Variants in HDGFL3 observed in about 807,000 individuals in gnomAD.
HDGFL3 encodes the protein hepatoma-derived growth factor-related protein 3.
In HDGFL3, 6 loss-of-function variants were observed where a neutral mutation model predicts 27.6. The observed-to-expected ratio is 0.22, with a 90% CI of 0.12 to 0.43. The LOEUF is 0.43. Ranked by LOEUF, HDGFL3 falls within the 20% of genes least tolerant of loss-of-function variation. The pLI, the probability that HDGFL3 is intolerant of heterozygous loss-of-function variation, is 1.00. For missense variants in HDGFL3, 207 were observed against 250.1 expected (o/e 0.83, Z 1.16); for synonymous variants, 88 against 88.9 (o/e 0.99, Z 0.05).
At chr15:83,152,635 A>C (rs539654648) in intron 4 of HDGFL3, among the ~76,000 whole-genome samples, 8 of 143,426 alleles carry the variant, frequency 5.6e-5, no homozygotes, top group African/African-American at 2.0e-4. Context: ...TGGGAGGTGG[A>C]GGTTGCAGTG....
chr15:83,147,474 GAAAAA>G (rs552586321), intron 5 of HDGFL3, among the ~76,000 whole-genome samples: 159 of 149,552 alleles, frequency 1.1e-3, no homozygotes, highest in Middle Eastern at 3.4e-3. Flanking sequence ...CTCCCATCAA[GAAAAA>G]AAAAGACCTT....
intron 1 of HDGFL3, among the ~76,000 whole-genome samples, chr15:83,199,326 T>C (rs917700651): frequency 1.3e-5 from 2 of 152,198 alleles, no homozygotes; most frequent in Admixed American, 6.5e-5. Context: ...ACTACTTCAG[T>C]GTCAAAGGAA....
chr15:83,198,276 A>G (rs1166213461), intron 1 of HDGFL3, among the ~76,000 whole-genome samples: 1 of 152,050 alleles, frequency 6.6e-6, no homozygotes. Context: ...CAGAATAAAA[A>G]GCTCAGGACT....
intron 3 of HDGFL3, chr15:83,119,650 T>A: frequency 6.2e-7 from 1 of 1,614,196 alleles, no homozygotes; most frequent in Non-Finnish European, 8.5e-7. Context: ...TTATCTGATG[T>A]ACCTGGTGAT....
At chr15:83,204,420 C>T (rs1271106989) in intron 1 of HDGFL3, among the ~76,000 whole-genome samples, 1 of 151,944 alleles carries the variant, frequency 6.6e-6, no homozygotes, top group Non-Finnish European at 1.5e-5. Flanking sequence ...GCGATGTGTG[C>T]AACTTACCTT....
intron 1 of HDGFL3, among the ~76,000 whole-genome samples, chr15:83,199,132 T>A (rs541265145): frequency 6.6e-6 from 1 of 152,154 alleles, no homozygotes; most frequent in African/African-American, 2.4e-5. Context: ...GGGAAGGAGA[T>A]AAGAGAAGTT....
intron 1 of HDGFL3, among the ~76,000 whole-genome samples, chr15:83,203,411 A>C (rs2037675084): frequency 6.6e-6 from 1 of 152,106 alleles, no homozygotes; most frequent in Non-Finnish European, 1.5e-5. Flanking sequence ...ACTGTGATTT[A>C]CTGCCATTTG....
chr15:83,172,186 C>T lies in HDGFL3; in HGVS notation c.85-8111G>A, dbSNP rs142557396. Among the ~76,000 whole-genome samples the T allele has an allele frequency of 5.3e-5, 8 of 152,188 alleles. No homozygotes were observed. The East Asian group carries it at 1.5e-3, about 29-fold the overall frequency. ...GGGCTTCTCTGTCATGAATGAATTT[C>T]GATGCTTATAAATAAAGGGGGCTGG... On this transcript the variant is annotated intron_variant, in intron 1 of 5. Transcript: ENST00000299633.
At chr15:83,152,233 TAATCAG>T (rs1293125308) in intron 4 of HDGFL3, among the ~76,000 whole-genome samples, 5 of 152,354 alleles carry the variant, frequency 3.3e-5, no homozygotes, top group Admixed American at 3.3e-4. Context: ...CTTCTTCAGA[TAATCAG>T]TTTTTAAAAA....
At chr15:83,158,484 C>T (rs1955532393) in intron 2 of HDGFL3, among the ~76,000 whole-genome samples, 1 of 152,118 alleles carries the variant, frequency 6.6e-6, no homozygotes, top group African/African-American at 2.4e-5. Flanking sequence ...TAGTAATTCC[C>T]CACTTAACTG....
chr15:83,176,426 T>C (rs889302675), intron 1 of HDGFL3, among the ~76,000 whole-genome samples: 3 of 152,212 alleles, frequency 2.0e-5, no homozygotes, highest in Non-Finnish European at 4.4e-5. Flanking sequence ...TTTTTGTTGT[T>C]TGCTTGCTTT....
At chr15:83,122,897 G>T (rs370753320), downstream of HDGFL3, 1 of 1,613,294 alleles carries the variant, frequency 6.2e-7, no homozygotes, top group Non-Finnish European at 8.5e-7. Context: ...ATTAAGCTTT[G>T]ATGTACCCTG....
exon 4 of HDGFL3, chr15:83,113,253 C>T: frequency 2.9e-6 from 1 of 348,422 alleles, no homozygotes; most frequent in Non-Finnish European, 5.5e-6. Context: ...CCACTTAGTG[C>T]AGAACTTAAC....
exon 4 of HDGFL3, chr15:83,114,400 T>A (rs2034466955): frequency 6.6e-6 from 1 of 152,282 alleles, no homozygotes; most frequent in African/African-American, 2.4e-5. Context: ...TCATCAGCAA[T>A]CATTGGCAGA....
intron 5 of HDGFL3, among the ~76,000 whole-genome samples, chr15:83,140,582 A>C (rs1327773164): frequency 8.6e-5 from 13 of 151,480 alleles, no homozygotes; most frequent in Non-Finnish European, 1.5e-5. Context: ...CCCCGGTTCA[A>C]GTGATTCTCC....
chr15:83,180,115 GA>G (rs909697075), intron 1 of HDGFL3, among the ~76,000 whole-genome samples: 62 of 145,392 alleles, frequency 4.3e-4, no homozygotes, highest in Admixed American at 9.6e-4. Flanking sequence ...AGTGGAAAAG[GA>G]AAAAAAAAAA....
At chr15:83,144,768 CCAGAGCCAGA>C (rs1291614474) in intron 5 of HDGFL3, 2 of 340,282 alleles carry the variant, frequency 5.9e-6, no homozygotes, top group East Asian at 1.5e-4. Flanking sequence ...TGCAAGAGAC[CCAGAGCCAGA>C]GGATTTAGCA....
At chr15:83,160,165 G>A (rs2037081171) in intron 2 of HDGFL3, among the ~76,000 whole-genome samples, 2 of 152,042 alleles carry the variant, frequency 1.3e-5, no homozygotes, top group Admixed American at 1.3e-4. Context: ...GTGAGAAAGG[G>A]TAGAGGAGTT....
chr15:83,162,953 T>C (rs941423838), intron 2 of HDGFL3, among the ~76,000 whole-genome samples: 1 of 152,234 alleles, frequency 6.6e-6, no homozygotes, highest in Non-Finnish European at 1.5e-5. Context: ...ACAGTATTCA[T>C]GCTCTTCTTT....
Sources: gnomAD v4.1 joint callset for allele counts (sites outside exome capture counted in the v4.1 genomes callset) on GRCh38, gnomAD v4.1.1 for gene constraint, MANE v1.5 for transcripts, NCBI Gene and HGNC (gene_info 2026-07-23, HGNC 2026-07-21) for gene names.